The following MEDAG variants were observed in gnomAD, a reference collection of about 807,000 sequenced individuals.
The protein encoded by MEDAG is mesenteric estrogen-dependent adipogenesis protein.
A neutral mutation model predicts 29.9 loss-of-function variants in MEDAG; 25 were observed. The ratio of observed to expected loss-of-function variants is 0.84; its 90% CI spans 0.61 to 1.17. The LOEUF (loss-of-function observed/expected upper bound fraction) is 1.17. MEDAG is among the 50% of genes most tolerant of loss of function. MEDAG has a pLI of 0.00. For missense variants in MEDAG, 398 were observed against 372.9 expected, an observed-to-expected ratio of 1.07 and a Z score of -0.56; for synonymous variants, 158 against 148.2, an observed-to-expected ratio of 1.07 and a Z score of -0.48.
rs1264362528 is a variant in MEDAG, at chr13:30,921,755, G to A, written c.696G>A (p.Lys232=). Residue 232 remains lysine, a synonymous_variant, in exon 4 of 5, where the codon AAG becomes AAA. Transcript: ENST00000380482. The part of the protein sequence containing the change: ...LNLSSTSPEK[K]ETIKLFLEKM... ...TGTCAAGTACAAGTCCAGAAAAGAA[G>A]GAGACGATTAAGTTATTTCTGGAAA... 2 of 1,613,858 alleles carry A rather than the reference G, an allele frequency of 1.2e-6. No individual in the cohort carries two copies. Among genetic ancestry groups the A allele is most frequent in the Non-Finnish European group, 1.7e-6 (2 of 1,179,944 alleles).
chr13:30,909,436 A>G (rs1192544935), intron 1 of MEDAG, among the ~76,000 whole-genome samples: 1 of 152,074 alleles, frequency 6.6e-6, no homozygotes, highest in East Asian at 1.9e-4. Flanking sequence ...CTTTGCGGCC[A>G]CCATATTCTG....
rs1388607329 is a variant in MEDAG, at chr13:30,906,439, C to G, written c.-77C>G. 3 of 1,373,788 alleles carry G rather than the reference C, an allele frequency of 2.2e-6. No individual in the cohort carries two copies. The African/African-American group carries it at 4.5e-5, about 21-fold the overall frequency. The allele number at this position is 1,373,788 out of a possible 1,614,324, so 85.1% of individuals were successfully genotyped here. On this transcript the variant is annotated 5_prime_UTR_variant, in exon 1 of 5. Coordinates refer to ENST00000380482, the MANE Select transcript of MEDAG (RefSeq NM_032849.4). ...ACGCAGGCAGGGCGCCCGGCCCCTC[C>G]TGGGGACCATCAGGTGCCGGCTGGG... is the stretch of plus-strand genomic sequence containing the variant.
intron 2 of MEDAG, among the ~76,000 whole-genome samples, chr13:30,917,714 G>C (rs1016970877): frequency 3.3e-5 from 5 of 152,130 alleles, no homozygotes; most frequent in African/African-American, 1.2e-4. Context: ...AGGGGGAAGA[G>C]AGCGGAAGCG....
rs912355483 is a variant in MEDAG, at chr13:30,925,422, C to T, written c.*987C>T. 2 of 152,050 alleles carry T rather than the reference C, an allele frequency of 1.3e-5. No homozygotes were observed. The highest frequency in any genetic ancestry group is 6.6e-5 in the Admixed American group (1 of 15,266). 9.4% of individuals were successfully genotyped at this position (152,050 alleles called of 1,614,324 possible). ...ATGGGTCCTGAGTGTAATTTTTTATCCTTTCTTAAAAAGTTTCTGTATTAT... is the reference window on the plus strand; with the variant it reads ...ATGGGTCCTGAGTGTAATTTTTTATTCTTTCTTAAAAAGTTTCTGTATTAT... On this transcript the variant is annotated 3_prime_UTR_variant, in exon 5 of 5. Coordinates refer to ENST00000380482, the MANE Select transcript of MEDAG (RefSeq NM_032849.4).
intron 2 of MEDAG, among the ~76,000 whole-genome samples, 159 bp downstream of exon 2, chr13:30,917,671 G>A (rs1446034324): frequency 2.6e-5 from 4 of 152,164 alleles, no homozygotes; most frequent in African/African-American, 9.7e-5. Flanking sequence ...ATGGTGGAAG[G>A]CGAAGGGAAA....
At position 30,906,523 on chromosome 13, in the gene MEDAG, G is replaced by A. The variant is rs759626056; in HGVS notation, c.8G>A (p.Gly3Glu). The A allele has an allele frequency of 2.6e-6, 4 of 1,512,276 alleles. No individual in the cohort carries two copies. The highest frequency in any genetic ancestry group is 2.6e-6 in the Non-Finnish European group (3 of 1,138,084). The allele number at this position is 1,512,276 out of a possible 1,614,324, so 93.7% of individuals were successfully genotyped here. Reference protein sequence around the residue: MAGAACEPVARPS... With the variant: MAEAACEPVARPS... The stretch of plus-strand genomic sequence containing the variant: ...AGGACCGACGACGCGGGCATGGCGG[G>A]GGCGGCCTGCGAGCCGGTGGCCAGG... The change falls in exon 1 of 5, where the codon GGG becomes GAG. Residue 3 changes from glycine (G) to glutamate (E), a missense_variant. Transcript: ENST00000380482.
chr13:30,907,503 C>T (rs138379359), intron 1 of MEDAG, among the ~76,000 whole-genome samples: 2 of 152,288 alleles, frequency 1.3e-5, no homozygotes, highest in African/African-American at 2.4e-5. Flanking sequence ...CCAGAGTGCC[C>T]CCAAGCTCTT....
chr13:30,916,000 G>A (rs942653319), intron 1 of MEDAG: 1 of 152,172 alleles, frequency 6.6e-6, no homozygotes, highest in African/African-American at 2.4e-5. Flanking sequence ...TGTGGTGGGA[G>A]GTGGAGACTG....
chr13:30,916,665 C>T (rs183592005), intron 1 of MEDAG: 1 of 152,284 alleles, frequency 6.6e-6, no homozygotes, highest in Admixed American at 6.5e-5. Context: ...TGCACTTGGA[C>T]CTTTTTATGA....
At chr13:30,920,136 C>A (rs1358668273) in intron 2 of MEDAG, among the ~76,000 whole-genome samples, 2 of 152,046 alleles carry the variant, frequency 1.3e-5, no homozygotes. Flanking sequence ...CCTAGACTAG[C>A]CATTTGTCAG....
intron 4 of MEDAG, 52 bp from the exon 5 acceptor site, chr13:30,924,259 T>A (rs1953018323): frequency 1.3e-6 from 2 of 1,544,450 alleles, no homozygotes; most frequent in South Asian, 2.5e-5. Context: ...ACTGTTGGTT[T>A]TTTTTTCTTT....
At chr13:30,906,821 C>T (rs778795733) in intron 1 of MEDAG, 28 bp downstream of exon 1, 16 of 1,434,996 alleles carry the variant, frequency 1.1e-5, no homozygotes, top group Non-Finnish European at 1.5e-5. Flanking sequence ...GCGCCCTGGC[C>T]CGTCGCCTGG....
Position 30,917,488 on chromosome 13 carries a change from CA to C in MEDAG, c.365del (p.Gln122ArgfsTer16), listed in dbSNP as rs768974181. On this transcript the variant is annotated frameshift_variant, in exon 2 of 5. Transcript: ENST00000380482. LOFTEE classifies it high-confidence loss of function. ...ACCAATGTTGTTCTTTATTAATGTA[CA>C]GACCAAAAAAGACACCTCAAAAGGT... ...SKPMLFFINV[Q>X]TKKDTSKERT... is the part of the protein sequence containing the mutation. 2.9e-5 allele frequency: 47 copies of C among 1,602,848 alleles called. 1 individual carries two copies. The South Asian group carries it at 5.2e-4, about 18-fold the overall frequency.
At chr13:30,908,035 T>C (rs1952846496) in intron 1 of MEDAG, among the ~76,000 whole-genome samples, 1 of 152,172 alleles carries the variant, frequency 6.6e-6, no homozygotes, top group Non-Finnish European at 1.5e-5. Context: ...AAAAAGAAGA[T>C]ACCCATTGTA....
At chr13:30,907,901 C>T (rs1312246220) in intron 1 of MEDAG, among the ~76,000 whole-genome samples, 1 of 152,172 alleles carries the variant, frequency 6.6e-6, no homozygotes, top group African/African-American at 2.4e-5. Context: ...ATAGTGAGGG[C>T]TCTGAATGCC....
intron 1 of MEDAG, among the ~76,000 whole-genome samples, chr13:30,912,207 C>T (rs772190768): frequency 1.1e-4 from 16 of 152,166 alleles, no homozygotes; most frequent in Non-Finnish European, 1.8e-4. Flanking sequence ...GTGAGCCACA[C>T]ACATTAGAGT....
Position 30,917,752 on chromosome 13 carries a change from C to CT in MEDAG, c.388+240_388+241insT, listed in dbSNP as rs1376543970. 3.0e-4 allele frequency among the ~76,000 whole-genome samples: 45 copies of CT among 152,182 alleles called. 3 individuals are homozygous for CT. In the South Asian group the frequency reaches 6.5e-3, roughly 22 times the overall value. ...GCGGTGCTACACACTCTTAAACAAC[C>CT]AGATCTAGCAAGAACTCACCCACTA... On this transcript the variant is annotated intron_variant, in intron 2 of 4. Transcript: ENST00000380482.
chr13:30,913,914 C>T (rs547826523), intron 1 of MEDAG, among the ~76,000 whole-genome samples: 10 of 152,172 alleles, frequency 6.6e-5, no homozygotes, highest in African/African-American at 9.6e-5. Flanking sequence ...TGGTGGTGCA[C>T]GCCTGTAATC....
intron 1 of MEDAG, 109 bp downstream of exon 1, chr13:30,906,902 G>T: frequency 2.6e-6 from 3 of 1,137,980 alleles, no homozygotes; most frequent in Non-Finnish European, 3.5e-6. Flanking sequence ...GCGACACCGC[G>T]TGGCCCCTTG....
Sources: allele counts gnomAD v4.1 joint callset (sites outside exome capture counted in the v4.1 genomes callset), GRCh38; gene constraint gnomAD v4.1.1; transcripts MANE v1.5; gene names NCBI Gene and HGNC (gene_info 2026-07-23, HGNC 2026-07-21).